The following RCAN2 variants were observed in gnomAD, a reference collection of about 807,000 sequenced individuals.
The protein encoded by RCAN2 is regulator of calcineurin 2, also known as calcipressin-2.
Under a neutral mutation model 23.6 loss-of-function variants are expected in RCAN2, and 9 were observed. That is an observed-to-expected ratio of 0.38 (90% confidence interval 0.23 to 0.67). The LOEUF is 0.67. RCAN2 is among the 30% of genes least tolerant of loss of function. The pLI, the probability that RCAN2 is intolerant of heterozygous loss-of-function variation, is 0.51. For synonymous variants in RCAN2, 109 were observed against 115.7 expected (o/e 0.94, Z 0.37); for missense variants, 273 against 302.3 (o/e 0.90, Z 0.72).
intron 2 of RCAN2, among the ~76,000 whole-genome samples, chr6:46,306,613 A>G (rs981903828): frequency 6.6e-6 from 1 of 152,128 alleles, no homozygotes; most frequent in Non-Finnish European, 1.5e-5. Flanking sequence ...GGCTGCTCTC[A>G]CATGTATCAC....
intron 2 of RCAN2, among the ~76,000 whole-genome samples, chr6:46,385,474 C>T (rs968827858): frequency 1.3e-5 from 2 of 152,140 alleles, no homozygotes; most frequent in African/African-American, 4.8e-5. Context: ...ATAAATGGTG[C>T]TGGGAAAACG....
chr6:46,356,423 T>C (rs2150380948), intron 2 of RCAN2, among the ~76,000 whole-genome samples: 1 of 152,262 alleles, frequency 6.6e-6, no homozygotes, highest in African/African-American at 2.4e-5. Context: ...GATTTGGACT[T>C]ATTGGTCTGG....
chr6:46,316,534 T>C (rs1763443985), intron 2 of RCAN2, among the ~76,000 whole-genome samples: 1 of 152,134 alleles, frequency 6.6e-6, no homozygotes, highest in Non-Finnish European at 1.5e-5. Flanking sequence ...GCATCATCCT[T>C]TTTGGGGAAA....
intron 1 of RCAN2, among the ~76,000 whole-genome samples, chr6:46,488,981 G>T (rs1330159574): frequency 1.3e-5 from 2 of 152,196 alleles, no homozygotes; most frequent in Non-Finnish European, 2.9e-5. Flanking sequence ...CAAAATGTAA[G>T]TTAGATGAAA....
intron 2 of RCAN2, among the ~76,000 whole-genome samples, chr6:46,389,077 T>G (rs1312999498): frequency 1.3e-5 from 2 of 152,162 alleles, no homozygotes; most frequent in African/African-American, 4.8e-5. Flanking sequence ...TTGGGCAACT[T>G]TGAAGGCAAA....
chr6:46,343,584 C>A (rs1764398795), intron 2 of RCAN2, among the ~76,000 whole-genome samples: 1 of 152,016 alleles, frequency 6.6e-6, no homozygotes, highest in Non-Finnish European at 1.5e-5. Context: ...ACTGTGTTAG[C>A]CAGGATGATC....
intron 4 of RCAN2, among the ~76,000 whole-genome samples, chr6:46,231,478 C>G (rs986906346): frequency 5.3e-5 from 8 of 151,038 alleles, no homozygotes; most frequent in African/African-American, 1.5e-4. Flanking sequence ...GGTGTGATCT[C>G]AGCTCACTGC....
intron 2 of RCAN2, among the ~76,000 whole-genome samples, chr6:46,417,172 T>C (rs1235548259): frequency 6.6e-6 from 1 of 152,224 alleles, no homozygotes; most frequent in East Asian, 1.9e-4. Context: ...TTCATGGGCA[T>C]TTTTATGACT....
chr6:46,251,590 T>C (rs1189874398), intron 2 of RCAN2, among the ~76,000 whole-genome samples: 1 of 152,194 alleles, frequency 6.6e-6, no homozygotes, highest in African/African-American at 2.4e-5. Context: ...AGGTGCTTTT[T>C]CCTTTGAGTC....
At chr6:46,354,013 G>C (rs1764746674) in intron 2 of RCAN2, among the ~76,000 whole-genome samples, 1 of 152,060 alleles carries the variant, frequency 6.6e-6, no homozygotes, top group African/African-American at 2.4e-5. Flanking sequence ...GACATCTTTT[G>C]TTTGACATGG....
intron 2 of RCAN2, among the ~76,000 whole-genome samples, chr6:46,280,037 A>G (rs146666548): frequency 2.2e-3 from 336 of 152,324 alleles, no homozygotes; most frequent in African/African-American, 7.6e-3. Flanking sequence ...TCAAGATCAC[A>G]GAGCAAGTTA....
At chr6:46,390,419 G>C (rs977073274) in intron 2 of RCAN2, among the ~76,000 whole-genome samples, 1 of 152,168 alleles carries the variant, frequency 6.6e-6, no homozygotes, top group Non-Finnish European at 1.5e-5. Flanking sequence ...CCAAAACCCA[G>C]GGCTGAGCCT....
At chr6:46,287,038 A>G (rs1381733916) in intron 2 of RCAN2, among the ~76,000 whole-genome samples, 1 of 152,016 alleles carries the variant, frequency 6.6e-6, no homozygotes, top group East Asian at 1.9e-4. Flanking sequence ...GCACTTCAAT[A>G]CCCAACCAGG....
intron 2 of RCAN2, among the ~76,000 whole-genome samples, chr6:46,455,743 C>A (rs1191823128): frequency 6.6e-6 from 1 of 151,576 alleles, no homozygotes; most frequent in Non-Finnish European, 1.5e-5. Context: ...GTAGTCCCAG[C>A]TACTCAGGAG....
intron 2 of RCAN2, among the ~76,000 whole-genome samples, chr6:46,267,144 G>A (rs1293477868): frequency 6.6e-6 from 1 of 152,148 alleles, no homozygotes; most frequent in Non-Finnish European, 1.5e-5. Context: ...AAAGTTATGG[G>A]CAAGTGATGG....
At chr6:46,464,503 TG>T (rs1477686753) in intron 1 of RCAN2, among the ~76,000 whole-genome samples, 1 of 152,194 alleles carries the variant, frequency 6.6e-6, no homozygotes, top group African/African-American at 2.4e-5. Context: ...TGCTCATTTT[TG>T]TCCATCTTAC....
intron 4 of RCAN2, among the ~76,000 whole-genome samples, chr6:46,237,081 C>T (rs1251901875): frequency 6.6e-6 from 1 of 152,104 alleles, no homozygotes. Flanking sequence ...AACTCTCATA[C>T]TTCCCACTGT....
chr6:46,248,632 A>C, intron 3 of RCAN2, 91 bp downstream of exon 3: 2 of 1,056,514 alleles, frequency 1.9e-6, no homozygotes, highest in Non-Finnish European at 2.7e-6. Context: ...CTACCAACCA[A>C]TCTGAAAATA....
At chr6:46,306,980 G>GA (rs773911831) in intron 2 of RCAN2, among the ~76,000 whole-genome samples, 2 of 152,030 alleles carry the variant, frequency 1.3e-5, no homozygotes, top group Non-Finnish European at 2.9e-5. Context: ...CCTATATCTA[G>GA]AACAGAGCCT....
Sources: allele counts gnomAD v4.1 joint callset (sites outside exome capture counted in the v4.1 genomes callset), GRCh38; gene constraint gnomAD v4.1.1; transcripts MANE v1.5; gene names NCBI Gene and HGNC (gene_info 2026-07-23, HGNC 2026-07-21).